DOCK4: variants seen among roughly 807,000 people sequenced by gnomAD.
DOCK4 encodes the protein dedicator of cytokinesis protein 4.
DOCK4 carries 97 observed loss-of-function variants against 268.1 expected under a neutral mutation model. The observed-to-expected ratio is 0.36, with a 90% CI of 0.31 to 0.43. The LOEUF (loss-of-function observed/expected upper bound fraction) is 0.43. DOCK4 is among the 20% of genes least tolerant of loss of function. The pLI, the probability that DOCK4 is intolerant of heterozygous loss-of-function variation, is 1.00. For synonymous variants in DOCK4, 954 were observed against 887.2 expected (o/e 1.08, Z -1.34); for missense variants, 2,145 against 2,455.7 (o/e 0.87, Z 2.67).
At chr7:112,124,887 G>C (rs1813073405) in intron 1 of DOCK4, among the ~76,000 whole-genome samples, 1 of 151,962 alleles carries the variant, frequency 6.6e-6, no homozygotes, top group Non-Finnish European at 1.5e-5. Flanking sequence ...TTAAAACATA[G>C]GCTGTATTTG....
intron 42 of DOCK4, among the ~76,000 whole-genome samples, chr7:111,753,381 G>GAA (rs1465536395): frequency 3.2e-4 from 48 of 152,156 alleles, no homozygotes; most frequent in African/African-American, 9.9e-4. Context: ...AGGCTGAGGT[G>GAA]GGAGGATCAC....
intron 12 of DOCK4, among the ~76,000 whole-genome samples, chr7:111,933,053 T>C (rs1434148930): frequency 6.7e-6 from 1 of 149,828 alleles, no homozygotes; most frequent in Non-Finnish European, 1.5e-5. Flanking sequence ...TCAGGAGAAG[T>C]GTGTATATAT....
intron 26 of DOCK4, among the ~76,000 whole-genome samples, chr7:111,828,578 A>T (rs1802572488): frequency 6.6e-6 from 1 of 152,184 alleles, no homozygotes; most frequent in African/African-American, 2.4e-5. Flanking sequence ...TGAAAATCTC[A>T]ATATATAATT....
intron 23 of DOCK4, among the ~76,000 whole-genome samples, chr7:111,850,601 T>C (rs1804470425): frequency 1.3e-5 from 2 of 152,028 alleles, no homozygotes; most frequent in Non-Finnish European, 2.9e-5. Flanking sequence ...ATTAGTCAGT[T>C]CCTGCCTTAA....
At chr7:111,924,353 A>G (rs538680035) in intron 12 of DOCK4, among the ~76,000 whole-genome samples, 69 of 152,254 alleles carry the variant, frequency 4.5e-4, no homozygotes, top group African/African-American at 1.5e-3. Flanking sequence ...AGGCTATACA[A>G]CTGGGACCAG....
chr7:112,162,504 T>A (rs992213740), intron 1 of DOCK4, among the ~76,000 whole-genome samples: 19 of 123,608 alleles, frequency 1.5e-4, no homozygotes, highest in Admixed American at 2.9e-4. Flanking sequence ...TCTGTCTGTC[T>A]CTTTCTTTCT....
At chr7:111,903,909 C>A (rs919177496) in intron 13 of DOCK4, among the ~76,000 whole-genome samples, 2 of 152,334 alleles carry the variant, frequency 1.3e-5, no homozygotes, top group South Asian at 4.1e-4. Context: ...AAAACCTACA[C>A]TGACTAATGG....
intron 52 of DOCK4, 60 bp from the exon 53 acceptor site, chr7:111,728,780 G>A (rs1190165846): frequency 3.4e-6 from 5 of 1,483,994 alleles, no homozygotes; most frequent in South Asian, 1.3e-5. Context: ...ACGCAGATGC[G>A]CTGAAATGTA....
intron 1 of DOCK4, among the ~76,000 whole-genome samples, chr7:112,139,093 A>G (rs1814643171): frequency 1.3e-5 from 2 of 152,176 alleles, no homozygotes; most frequent in African/African-American, 4.8e-5. Context: ...TGAGCAGACT[A>G]AGGCAGTAAT....
At chr7:112,121,101 G>C (rs1023776010) in intron 1 of DOCK4, among the ~76,000 whole-genome samples, 1 of 152,128 alleles carries the variant, frequency 6.6e-6, no homozygotes, top group Non-Finnish European at 1.5e-5. Context: ...CAGACACAGT[G>C]CTAGATATTT....
At chr7:111,971,531 G>T (rs1797712697) in intron 8 of DOCK4, 1 of 194,460 alleles carries the variant, frequency 5.1e-6, no homozygotes, top group Non-Finnish European at 1.1e-5. Context: ...AGTTCAATGG[G>T]ATCCATGTCA....
At chr7:111,863,058 G>A (rs1805680322) in intron 23 of DOCK4, 1 of 282,532 alleles carries the variant, frequency 3.5e-6, no homozygotes, top group Admixed American at 5.1e-5. Flanking sequence ...ATAAATTGAT[G>A]AAAAACTTTT....
chr7:111,757,544 T>C (rs1253114934), intron 41 of DOCK4, among the ~76,000 whole-genome samples: 2 of 152,222 alleles, frequency 1.3e-5, no homozygotes, highest in East Asian at 3.8e-4. Flanking sequence ...TCATGGATCT[T>C]TTTAATACTA....
At chr7:111,990,065 G>GT (rs1263422731) in intron 5 of DOCK4, among the ~76,000 whole-genome samples, 1 of 152,056 alleles carries the variant, frequency 6.6e-6, no homozygotes, top group Non-Finnish European at 1.5e-5. Flanking sequence ...TTTTGTGCTT[G>GT]TTTTTTTCAT....
At chr7:112,146,488 T>A (rs1346911821) in intron 1 of DOCK4, among the ~76,000 whole-genome samples, 1 of 152,186 alleles carries the variant, frequency 6.6e-6, no homozygotes, top group East Asian at 1.9e-4. Flanking sequence ...TCCCAGCATT[T>A]TGGGAGGCTG....
chr7:112,175,093 G>C (rs1390777293), intron 1 of DOCK4, among the ~76,000 whole-genome samples: 1 of 151,824 alleles, frequency 6.6e-6, no homozygotes, highest in East Asian at 1.9e-4. Context: ...TTGATCTCCT[G>C]ACCTCGTGAT....
intron 1 of DOCK4, among the ~76,000 whole-genome samples, chr7:112,189,753 T>TTG (rs1487230101): frequency 3.5e-5 from 4 of 114,588 alleles, no homozygotes; most frequent in Non-Finnish European, 6.5e-5. Flanking sequence ...TTTGTTTTTT[T>TTG]TTTTTTTTTT....
intron 39 of DOCK4, among the ~76,000 whole-genome samples, chr7:111,762,285 T>C (rs1797458022): frequency 6.6e-6 from 1 of 152,238 alleles, no homozygotes; most frequent in Non-Finnish European, 1.5e-5. Flanking sequence ...AGTATATTTA[T>C]AGAGTTGTGC....
chr7:112,195,422 A>G (rs1056181953), intron 1 of DOCK4, among the ~76,000 whole-genome samples: 1 of 152,188 alleles, frequency 6.6e-6, no homozygotes, highest in African/African-American at 2.4e-5. Context: ...TTCATTCTTT[A>G]TAGAACTGCC....
Sources: gnomAD v4.1 joint callset for allele counts (sites outside exome capture counted in the v4.1 genomes callset) on GRCh38, gnomAD v4.1.1 for gene constraint, MANE v1.5 for transcripts, NCBI Gene and HGNC (gene_info 2026-07-23, HGNC 2026-07-21) for gene names.